The following PTAR1 variants were observed in gnomAD, a reference collection of about 807,000 sequenced individuals.
PTAR1 encodes the protein protein prenyltransferase alpha subunit repeat containing 1.
Under a neutral mutation model 45.5 loss-of-function variants are expected in PTAR1, and 17 were observed. The observed-to-expected ratio is 0.37, with a 90% CI of 0.26 to 0.56. The LOEUF is 0.56. PTAR1 is among the 20% of genes least tolerant of loss of function. PTAR1 has a pLI of 0.77. For missense variants in PTAR1, 391 were observed against 476.3 expected (o/e 0.82, Z 1.67); for synonymous variants, 169 against 171.3 (o/e 0.99, Z 0.11).
chr9:69,752,593 A>G (rs1826581010), intron 1 of PTAR1, among the ~76,000 whole-genome samples: 1 of 152,094 alleles, frequency 6.6e-6, no homozygotes, highest in Admixed American at 6.6e-5. Flanking sequence ...CTGATTAACT[A>G]CAATGTACTG....
rs1462552681 is a variant in PTAR1 at position 69,723,712 on chromosome 9, G to C, written c.643-82C>G. ...CCATTATTGCCTCTGATTTCTCTTT[G>C]ATTTGTTCCTTTTTTGACAAGACCA... On this transcript the variant is annotated intron_variant, in intron 5 of 7. Coordinates refer to ENST00000340434, the MANE Select transcript of PTAR1 (RefSeq NM_001099666.2). 7 of 1,090,542 alleles carry C rather than the reference G, an allele frequency of 6.4e-6. No individual in the cohort carries two copies. The East Asian group carries it at 7.1e-5, about 11-fold the overall frequency. 67.6% of individuals were successfully genotyped at this position (1,090,542 alleles called of 1,614,324 possible).
chr9:69,757,582 C>T (rs1826845668), intron 1 of PTAR1: 1 of 152,136 alleles, frequency 6.6e-6, no homozygotes, highest in Non-Finnish European at 1.5e-5. Flanking sequence ...CTCCTTCTGG[C>T]TAAATATTTC....
At chr9:69,744,094 G>C (rs765317207) in intron 2 of PTAR1, among the ~76,000 whole-genome samples, 3 of 152,090 alleles carry the variant, frequency 2.0e-5, no homozygotes, top group Non-Finnish European at 2.9e-5. Flanking sequence ...TACAACACAA[G>C]GTACTGGTAA....
intron 1 of PTAR1, among the ~76,000 whole-genome samples, chr9:69,754,016 A>C (rs1446933300): frequency 6.6e-6 from 1 of 152,204 alleles, no homozygotes; most frequent in Non-Finnish European, 1.5e-5. Context: ...AGCCTTTGTC[A>C]AGTTATGTGA....
At chr9:69,752,040 G>C (rs77348801) in intron 1 of PTAR1, among the ~76,000 whole-genome samples, 2 of 152,060 alleles carry the variant, frequency 1.3e-5, no homozygotes, top group African/African-American at 4.8e-5. Flanking sequence ...CAAACAGAAT[G>C]TCCTCTGTTT....
intron 6 of PTAR1, among the ~76,000 whole-genome samples, 185 bp downstream of exon 6, chr9:69,723,138 AATG>A (rs1033164519): frequency 2.7e-4 from 1 of 3,726 alleles, no homozygotes. Context: ...ATCTCTTATT[AATG>A]ATGATGATGA....
At chr9:69,757,452 T>G (rs1369336600) in intron 1 of PTAR1, 1 of 152,234 alleles carries the variant, frequency 6.6e-6, no homozygotes, top group African/African-American at 2.4e-5. Context: ...AGTACCACTG[T>G]GTGAGGTGAT....
intron 1 of PTAR1, among the ~76,000 whole-genome samples, chr9:69,756,544 G>A (rs571628992): frequency 6.8e-4 from 104 of 152,252 alleles, no homozygotes; most frequent in African/African-American, 2.4e-3. Flanking sequence ...GAAATTAAAT[G>A]AGAGTCAAGG....
intron 5 of PTAR1, among the ~76,000 whole-genome samples, chr9:69,730,804 C>A (rs574327653): frequency 6.6e-6 from 1 of 151,810 alleles, no homozygotes; most frequent in Non-Finnish European, 1.5e-5. Flanking sequence ...ATAAATTGCA[C>A]GGAGTTGATC....
At position 69,711,765 on chromosome 9, in the gene PTAR1, AAAT is replaced by A. The variant is rs1824533814; in HGVS notation, c.*6574_*6576del. ...CCTATCTTTCAACTATGTTCTGTAT[AAAT>A]AATACTTCTATTACGTTACTAACTC... On this transcript the variant is annotated 3_prime_UTR_variant, in exon 8 of 8. Coordinates refer to ENST00000340434, the MANE Select transcript of PTAR1 (RefSeq NM_001099666.2). The A allele has an allele frequency of 6.6e-6, 1 of 152,156 alleles. No individual in the cohort carries two copies. Among genetic ancestry groups the A allele is most frequent in the South Asian group, 2.1e-4 (1 of 4,836 alleles). The allele number at this position is 152,156 out of a possible 1,614,324, so 9.4% of individuals were successfully genotyped here.
chr9:69,758,747 C>T (rs962877209), intron 1 of PTAR1: 25 of 350,778 alleles, frequency 7.1e-5, no homozygotes, highest in African/African-American at 4.7e-4. Flanking sequence ...CGTTTGGCAA[C>T]TTTTTTAGGC....
rs183321168 is a variant in PTAR1, at chr9:69,734,081, C to G, written c.428+69G>C. ...AACCAATAAGTAACCTTGCCTCTCA[C>G]ATGTCATGTTTCTTTCTCCAGCCAG... On this transcript the variant is annotated intron_variant, in intron 4 of 7. Transcript: ENST00000340434. 16 of 895,998 alleles carry G rather than the reference C, an allele frequency of 1.8e-5. No individual in the cohort carries two copies. The Admixed American group carries it at 3.1e-4, about 17-fold the overall frequency. 55.5% of individuals were successfully genotyped at this position (895,998 alleles called of 1,614,324 possible).
Position 69,754,719 on chromosome 9 carries a change from TA to T in PTAR1, c.87-3770del, listed in dbSNP as rs1157058393. Among the ~76,000 whole-genome samples the T allele has an allele frequency of 2.3e-4, 6 of 26,066 alleles. 1 individual carries two copies. The highest frequency in any genetic ancestry group is 4.5e-4 in the African/African-American group (6 of 13,352). The allele number at this position is 26,066 out of a possible 152,430, so 17.1% of individuals were successfully genotyped here. A position where few individuals can be genotyped will look rare whatever the true frequency, so the allele number is the denominator to read the frequency against. On this transcript the variant is annotated intron_variant, in intron 1 of 7. Coordinates refer to ENST00000340434, the MANE Select transcript of PTAR1 (RefSeq NM_001099666.2). ...ACCATGCCCAGCTAATATATATATA[TA>T]TATTTTTTTTTTTTGGTAGAGATGT... is the stretch of plus-strand genomic sequence containing the variant.
In PTAR1 at chr9:69,725,584, C is replaced by T. The variant is rs150271578; in HGVS notation, c.643-1954G>A. ...CAGCCTGGGCGACAAAACAAGACTC[C>T]ATCTCAAAAAAGAAAAAAAATATAT... On this transcript the variant is annotated intron_variant, in intron 5 of 7. Coordinates refer to ENST00000340434, the MANE Select transcript of PTAR1 (RefSeq NM_001099666.2). Among the ~76,000 whole-genome samples the T allele has an allele frequency of 4.4e-3, 592 of 134,304 alleles. 5 individuals carry two copies. The highest frequency in any genetic ancestry group is 0.015 in the African/African-American group (564 of 38,188). The allele number at this position is 134,304 out of a possible 152,430, so 88.1% of individuals were successfully genotyped here.
At chr9:69,741,517 C>T (rs902954746) in intron 3 of PTAR1, 5 of 344,668 alleles carry the variant, frequency 1.5e-5, no homozygotes, top group Non-Finnish European at 2.2e-5. Flanking sequence ...CCATTAGTCT[C>T]CCACCCCAAA....
At chr9:69,722,896 G>A (rs1021742663) in intron 6 of PTAR1, among the ~76,000 whole-genome samples, 3 of 140,318 alleles carry the variant, frequency 2.1e-5, no homozygotes, top group African/African-American at 2.7e-5. Flanking sequence ...CCGAGATCGC[G>A]CTATTGCACT....
chr9:69,759,653 C>A (rs1325727585), intron 1 of PTAR1, among the ~76,000 whole-genome samples, 200 bp downstream of exon 1: 1 of 152,210 alleles, frequency 6.6e-6, no homozygotes, highest in Non-Finnish European at 1.5e-5. Flanking sequence ...AGGGACTCGA[C>A]CGCGAGCGCG....
At chr9:69,747,504 G>C (rs926585367) in intron 2 of PTAR1, among the ~76,000 whole-genome samples, 1 of 152,160 alleles carries the variant, frequency 6.6e-6, no homozygotes, top group Non-Finnish European at 1.5e-5. Context: ...GTATCAAATA[G>C]CTGCTAACAT....
chr9:69,732,606 G>T (rs1406306662), intron 4 of PTAR1, among the ~76,000 whole-genome samples: 1 of 152,000 alleles, frequency 6.6e-6, no homozygotes, highest in Non-Finnish European at 1.5e-5. Flanking sequence ...GTAATACAGA[G>T]AATGTCATTA....
Sources: gnomAD v4.1 joint callset for allele counts (sites outside exome capture counted in the v4.1 genomes callset) on GRCh38, gnomAD v4.1.1 for gene constraint, MANE v1.5 for transcripts, NCBI Gene and HGNC (gene_info 2026-07-23, HGNC 2026-07-21) for gene names.